GRM8: variants seen among roughly 807,000 people sequenced by gnomAD.
GRM8 encodes the protein glutamate metabotropic receptor 8.
Under a neutral mutation model 87.2 loss-of-function variants are expected in GRM8, and 47 were observed. That is an observed-to-expected ratio of 0.54 (90% CI 0.43 to 0.69). The LOEUF (loss-of-function observed/expected upper bound fraction) is 0.69, where lower values mean the gene tolerates loss of function less well. GRM8 is among the 30% of genes least tolerant of loss of function. GRM8 has a pLI of 0.00. For synonymous variants in GRM8, 396 were observed against 404.5 expected (o/e 0.98, Z 0.25); for missense variants, 1,019 against 1,139.2 (o/e 0.89, Z 1.52).
chr7:127,146,921 T>C (rs1828584621), intron 2 of GRM8, among the ~76,000 whole-genome samples: 1 of 151,980 alleles, frequency 6.6e-6, no homozygotes, highest in South Asian at 2.1e-4. Flanking sequence ...GATCTCCAAC[T>C]TAAAAAGGGG....
At chr7:127,225,634 T>G (rs1313001645) in intron 2 of GRM8, among the ~76,000 whole-genome samples, 1 of 149,840 alleles carries the variant, frequency 6.7e-6, no homozygotes, top group Non-Finnish European at 1.5e-5. Context: ...AAACTCTACC[T>G]ATAGATAGAT....
chr7:126,485,713 G>T (rs1424826261), intron 9 of GRM8, among the ~76,000 whole-genome samples: 1 of 151,842 alleles, frequency 6.6e-6, no homozygotes, highest in African/African-American at 2.4e-5. Context: ...AACCTTTTCG[G>T]CCTGAGAACT....
chr7:126,536,506 T>C (rs889802501), intron 8 of GRM8, among the ~76,000 whole-genome samples: 98 of 152,322 alleles, frequency 6.4e-4, no homozygotes, highest in African/African-American at 2.3e-3. Context: ...GTCAGCTCAC[T>C]ACAAAGGAAA....
At chr7:126,511,947 A>C (rs1357297355) in intron 9 of GRM8, 2 of 152,140 alleles carry the variant, frequency 1.3e-5, no homozygotes, top group Non-Finnish European at 2.9e-5. Context: ...AACTGAGTTA[A>C]AACAAACTTT....
intron 8 of GRM8, among the ~76,000 whole-genome samples, chr7:126,593,949 C>A (rs1450549516): frequency 7.2e-5 from 11 of 151,914 alleles, no homozygotes; most frequent in Admixed American, 7.2e-4. Flanking sequence ...TGAATAGATG[C>A]TTTTCAAAAG....
intron 1 of GRM8, among the ~76,000 whole-genome samples, chr7:127,246,705 C>T (rs921129889): frequency 6.6e-6 from 1 of 152,202 alleles, no homozygotes; most frequent in African/African-American, 2.4e-5. Context: ...CCTGTATCCC[C>T]CTAAATGTGC....
intron 9 of GRM8, among the ~76,000 whole-genome samples, chr7:126,489,232 T>G (rs1231446673): frequency 2.1e-5 from 3 of 140,618 alleles, no homozygotes; most frequent in African/African-American, 6.3e-5. Flanking sequence ...TATGAGAAAG[T>G]TTTTTTTTGA....
chr7:127,239,458 T>C (rs1017194694), intron 2 of GRM8, among the ~76,000 whole-genome samples: 4 of 152,322 alleles, frequency 2.6e-5, no homozygotes, highest in African/African-American at 9.6e-5. Flanking sequence ...TCTGGGCATA[T>C]TTTTAGATTC....
chr7:126,596,365 T>C (rs1797200657), intron 8 of GRM8, among the ~76,000 whole-genome samples: 1 of 152,194 alleles, frequency 6.6e-6, no homozygotes, highest in African/African-American at 2.4e-5. Flanking sequence ...TGATGTGAAA[T>C]GGCATCTGAT....
At chr7:126,935,314 TGAA>T (rs1406215313) in intron 3 of GRM8, among the ~76,000 whole-genome samples, 3 of 151,870 alleles carry the variant, frequency 2.0e-5, no homozygotes, top group Non-Finnish European at 2.9e-5. Context: ...GGAAAGGAAA[TGAA>T]GGACACAAAG....
At chr7:126,839,898 T>G (rs1387034494) in intron 6 of GRM8, among the ~76,000 whole-genome samples, 2 of 152,194 alleles carry the variant, frequency 1.3e-5, no homozygotes, top group Non-Finnish European at 2.9e-5. Context: ...CAGACATCCC[T>G]TTGCTGAATG....
At chr7:126,557,247 G>T (rs1235211450) in intron 8 of GRM8, among the ~76,000 whole-genome samples, 3 of 152,176 alleles carry the variant, frequency 2.0e-5, no homozygotes, top group Non-Finnish European at 4.4e-5. Context: ...GAGAGCAAAG[G>T]CAGCGGTATT....
intron 3 of GRM8, among the ~76,000 whole-genome samples, chr7:127,056,144 A>T (rs891989064): frequency 6.6e-6 from 1 of 152,176 alleles, no homozygotes; most frequent in African/African-American, 2.4e-5. Context: ...ATTTCAGGAA[A>T]TTTTTGATGA....
intron 3 of GRM8, among the ~76,000 whole-genome samples, chr7:127,075,520 C>CG (rs1822167251): frequency 6.6e-6 from 1 of 151,564 alleles, no homozygotes; most frequent in Admixed American, 6.6e-5. Flanking sequence ...GGCAGGGGGT[C>CG]GGGGGGAGGT....
At position 126,514,486 on chromosome 7, in the gene GRM8, G is replaced by T. The variant is rs144983795; in HGVS notation, c.2430+18466C>A. The stretch of plus-strand genomic sequence containing the variant: ...AAAAATGGGTGAATATTTATGAAAT[G>T]ATCTTTGTATAACTGTGGTCAAAGT... On this transcript the variant is annotated intron_variant, in intron 9 of 10. Transcript: ENST00000339582. 2.3e-3 allele frequency among the ~76,000 whole-genome samples: 350 copies of T among 152,174 alleles called. 3 individuals carry two copies. The highest frequency in any genetic ancestry group is 8.1e-3 in the African/African-American group (336 of 41,540).
At position 127,252,617 on chromosome 7, in the gene GRM8, C is replaced by T. The variant is rs1349923502; in HGVS notation, c.-312+180G>A. Among the ~76,000 whole-genome samples, 3 of 152,134 alleles carry T rather than the reference C, an allele frequency of 2.0e-5. No homozygotes were observed. The highest frequency in any genetic ancestry group is 2.0e-4 in the Admixed American group (3 of 15,278). The stretch of plus-strand genomic sequence containing the variant: ...GAGTGATATGAGAAGGAATGGTGCA[C>T]CTGGCTGTCCGCTGAAAGGTTTTAG... On this transcript the variant is annotated intron_variant, in intron 1 of 10. Coordinates refer to ENST00000339582, the MANE Select transcript of GRM8 (RefSeq NM_000845.3). This position sits in a 1 kb window ranked among gnomAD's most constrained non-coding sequence, Gnocchi z 4.9.
chr7:127,109,526 C>A (rs1826151612), intron 2 of GRM8, among the ~76,000 whole-genome samples: 1 of 152,160 alleles, frequency 6.6e-6, no homozygotes. Flanking sequence ...TCTCCTCTAT[C>A]TAATGATCCT....
intron 3 of GRM8, among the ~76,000 whole-genome samples, chr7:126,957,574 T>C (rs1690499868): frequency 3.3e-5 from 5 of 152,074 alleles, no homozygotes; most frequent in Admixed American, 2.6e-4. Context: ...GAGTGCAGAG[T>C]AAAGTTGCAG....
intron 6 of GRM8, among the ~76,000 whole-genome samples, chr7:126,844,803 T>A (rs1251384988): frequency 6.6e-6 from 1 of 152,194 alleles, no homozygotes; most frequent in Non-Finnish European, 1.5e-5. Context: ...CTTACTCTTC[T>A]TCTTATAAAG....
Sources: gnomAD v4.1 joint callset for allele counts (sites outside exome capture counted in the v4.1 genomes callset) on GRCh38, gnomAD v4.1.1 for gene constraint, Gnocchi (gnomAD v3.1) non-coding constraint, MANE v1.5 for transcripts, NCBI Gene and HGNC (gene_info 2026-07-23, HGNC 2026-07-21) for gene names.